The following CSTPP1 variants were observed in gnomAD, a reference collection of about 807,000 sequenced individuals.
CSTPP1 encodes centriolar satellite-associated tubulin polyglutamylase complex regulator 1, also known as UPF0705 protein C11orf49.
chr11:46,953,114 A>G, the CSTPP1 span, among the ~76,000 whole-genome samples: 1 of 152,110 alleles, frequency 6.6e-6, no homozygotes, highest in Admixed American at 6.5e-5. Context: ...TGCCTCAGAG[A>G]GGTCAAAGAA....
the CSTPP1 span, among the ~76,000 whole-genome samples, chr11:47,121,827 A>G: frequency 6.6e-6 from 1 of 151,868 alleles, no homozygotes; most frequent in African/African-American, 2.4e-5. Flanking sequence ...GCTAATGCCT[A>G]TAATCCCAAC....
chr11:47,007,911 G>A, the CSTPP1 span, among the ~76,000 whole-genome samples: 1 of 152,122 alleles, frequency 6.6e-6, no homozygotes, highest in African/African-American at 2.4e-5. Flanking sequence ...TGCCAAAAGA[G>A]CTTTAGGGTT....
the CSTPP1 span, among the ~76,000 whole-genome samples, chr11:46,960,123 T>A: frequency 6.6e-6 from 1 of 152,186 alleles, no homozygotes; most frequent in Non-Finnish European, 1.5e-5. Context: ...TAACTTGGCT[T>A]TCCAAAGTGC....
the CSTPP1 span, among the ~76,000 whole-genome samples, chr11:46,945,731 T>G: frequency 1.3e-5 from 2 of 152,144 alleles, no homozygotes; most frequent in Non-Finnish European, 2.9e-5. Context: ...GAATACCTTC[T>G]CTATATAAAG....
chr11:47,164,058 C>T, the CSTPP1 span: 1 of 1,578,560 alleles, frequency 6.3e-7, no homozygotes, highest in East Asian at 2.3e-5. Context: ...GTTAAAGGGC[C>T]AACTAATGCC....
At chr11:47,028,759 T>C in the CSTPP1 span, among the ~76,000 whole-genome samples, 79 of 152,296 alleles carry the variant, frequency 5.2e-4, 1 homozygote, top group East Asian at 0.01. Context: ...TTCCTCTGAA[T>C]TTCACAAGGA....
chr11:46,984,543 T>G, the CSTPP1 span, among the ~76,000 whole-genome samples: 143 of 152,238 alleles, frequency 9.4e-4, 1 homozygote, highest in Non-Finnish European at 1.5e-3. Flanking sequence ...TTCTTTCCTT[T>G]TTTATATTTT....
the CSTPP1 span, among the ~76,000 whole-genome samples, chr11:47,078,256 G>T: frequency 5.9e-5 from 9 of 152,230 alleles, no homozygotes; most frequent in African/African-American, 2.2e-4. Context: ...CAGTAGTTTG[G>T]TTGGGGTGAA....
At chr11:47,125,146 C>T in the CSTPP1 span, among the ~76,000 whole-genome samples, 1 of 152,106 alleles carries the variant, frequency 6.6e-6, no homozygotes, top group Admixed American at 6.5e-5. Flanking sequence ...TTACATATAC[C>T]CATAAAAGAC....
chr11:47,130,336 A>G, the CSTPP1 span, among the ~76,000 whole-genome samples: 1 of 152,032 alleles, frequency 6.6e-6, no homozygotes, highest in Non-Finnish European at 1.5e-5. Flanking sequence ...GGGAGTAATG[A>G]GCTGGCAAAG....
chr11:46,949,566 A>G, the CSTPP1 span, among the ~76,000 whole-genome samples: 1 of 152,074 alleles, frequency 6.6e-6, no homozygotes, highest in Non-Finnish European at 1.5e-5. Flanking sequence ...TTTTGATATC[A>G]TATTTCTAAA....
the CSTPP1 span, among the ~76,000 whole-genome samples, chr11:46,990,741 C>T: frequency 1.8e-4 from 28 of 152,222 alleles, no homozygotes; most frequent in Admixed American, 1.0e-3. Context: ...AGGTTTTCTT[C>T]TAGGATTTTT....
At chr11:46,990,529 G>A in the CSTPP1 span, among the ~76,000 whole-genome samples, 3 of 152,068 alleles carry the variant, frequency 2.0e-5, no homozygotes, top group African/African-American at 4.8e-5. Context: ...TATAGATTCT[G>A]GATATTAGAC....
At chr11:46,984,923 T>C in the CSTPP1 span, among the ~76,000 whole-genome samples, 10 of 152,138 alleles carry the variant, frequency 6.6e-5, no homozygotes, top group Non-Finnish European at 1.5e-4. Context: ...CCCTCCCAAT[T>C]TAATATACAC....
chr11:46,974,729 C>T, the CSTPP1 span, among the ~76,000 whole-genome samples: 1 of 151,680 alleles, frequency 6.6e-6, no homozygotes, highest in Non-Finnish European at 1.5e-5. Context: ...GTGGTGTGCA[C>T]CTGTAGTCCC....
At chr11:47,008,186 C>T in the CSTPP1 span, among the ~76,000 whole-genome samples, 2 of 152,094 alleles carry the variant, frequency 1.3e-5, no homozygotes, top group African/African-American at 4.8e-5. Context: ...AGGCTGGTCT[C>T]GAACTCCTGA....
chr11:47,056,990 G>A, the CSTPP1 span, among the ~76,000 whole-genome samples: 2 of 152,290 alleles, frequency 1.3e-5, no homozygotes, highest in African/African-American at 4.8e-5. Context: ...GAAGCCACCT[G>A]TAGAACTCTA....
chr11:46,970,261 A>G, the CSTPP1 span, among the ~76,000 whole-genome samples: 8 of 152,064 alleles, frequency 5.3e-5, no homozygotes, highest in Middle Eastern at 3.4e-3. Flanking sequence ...ATGATACACA[A>G]TTGAGATCCC....
chr11:46,973,086 A>C, the CSTPP1 span, among the ~76,000 whole-genome samples: 1 of 152,200 alleles, frequency 6.6e-6, no homozygotes, highest in African/African-American at 2.4e-5. Flanking sequence ...ATGTATGTGA[A>C]AGTATTCGGT....
Sources: gnomAD v4.1 joint callset for allele counts (sites outside exome capture counted in the v4.1 genomes callset) on GRCh38, gnomAD v4.1.1 for gene constraint, MANE v1.5 for transcripts, NCBI Gene and HGNC (gene_info 2026-07-23, HGNC 2026-07-21) for gene names.